Variants in SPPL3 observed in about 807,000 individuals in gnomAD.
SPPL3 encodes the protein signal peptide peptidase-like 3.
A neutral mutation model predicts 42.4 loss-of-function variants in SPPL3; 5 were observed. The ratio of observed to expected loss-of-function variants is 0.12; its 90% CI spans 0.06 to 0.25. The LOEUF (loss-of-function observed/expected upper bound fraction) is 0.25, where lower values mean the gene tolerates loss of function less well. SPPL3 is among the 10% of genes least tolerant of loss of function. The pLI is 1.00. For missense variants in SPPL3, 235 were observed against 489.0 expected, an observed-to-expected ratio of 0.48 and a Z score of 4.90; for synonymous variants, 195 against 181.8, an observed-to-expected ratio of 1.07 and a Z score of -0.58.
intron 3 of SPPL3, among the ~76,000 whole-genome samples, chr12:120,787,336 G>C (rs1386271812): frequency 2.0e-5 from 3 of 152,158 alleles, no homozygotes; most frequent in Non-Finnish European, 4.4e-5. Context: ...TAAGATGTCA[G>C]ATAATTGGGC....
intron 1 of SPPL3, among the ~76,000 whole-genome samples, chr12:120,882,297 TAC>T (rs1336226805): frequency 6.6e-6 from 1 of 152,136 alleles, no homozygotes; most frequent in African/African-American, 2.4e-5. Context: ...GACTACTGTA[TAC>T]AGTGTCAATC....
chr12:120,803,636 C>G (rs1383067390), intron 2 of SPPL3, among the ~76,000 whole-genome samples: 2 of 152,052 alleles, frequency 1.3e-5, no homozygotes, highest in Non-Finnish European at 2.9e-5. Flanking sequence ...CGGGGACTCA[C>G]TGGTTCAAGG....
At chr12:120,888,087 G>T (rs7316417) in intron 1 of SPPL3, among the ~76,000 whole-genome samples, 13,459 of 152,066 alleles carry the variant, frequency 0.089, 1,743 homozygotes, top group African/African-American at 0.29. Flanking sequence ...ACTATTTTTG[G>T]TTTTTTTAGA....
At position 120,904,188 on chromosome 12, in the gene SPPL3, G is replaced by A. The variant is rs1029487193; in HGVS notation, c.-321C>T. Reference sequence around the variant, plus strand: ...GCGGAGAACAAGGGGGCCCTGGGGCGGGCGAACGGCAAGACGGGCCCGCGC... The same window carrying A: ...GCGGAGAACAAGGGGGCCCTGGGGCAGGCGAACGGCAAGACGGGCCCGCGC... On this transcript the variant is annotated 5_prime_UTR_variant, in exon 1 of 11. Coordinates refer to ENST00000353487, the MANE Select transcript of SPPL3 (RefSeq NM_139015.5). 2 of 258,870 alleles carry A rather than the reference G, an allele frequency of 7.7e-6. No homozygotes were observed. Among genetic ancestry groups the A allele is most frequent in the African/African-American group, 2.3e-5 (1 of 43,406 alleles). 16.0% of individuals were successfully genotyped at this position (258,870 alleles called of 1,614,324 possible).
intron 1 of SPPL3, among the ~76,000 whole-genome samples, chr12:120,819,984 T>C (rs1232335300): frequency 1.3e-5 from 2 of 152,138 alleles, no homozygotes; most frequent in Non-Finnish European, 2.9e-5. Flanking sequence ...CAAGTAATGT[T>C]AGTAGTACTA....
intron 1 of SPPL3, among the ~76,000 whole-genome samples, chr12:120,848,413 A>G (rs1872115310): frequency 6.6e-6 from 1 of 152,196 alleles, no homozygotes; most frequent in African/African-American, 2.4e-5. Context: ...AAAGTGCTTG[A>G]ACATGGCAGG....
chr12:120,769,067 G>A lies in SPPL3; in HGVS notation c.503-8C>T. On this transcript the variant is annotated splice_polypyrimidine_tract_variant and splice_region_variant and intron_variant, in intron 6 of 10. Transcript: ENST00000353487. Reference sequence around the variant, plus strand: ...AGAGGCCCATGGCCAGTGCTGGGGAGGAGACAGGGTACAGCAGACAGCAGT... The same window carrying A: ...AGAGGCCCATGGCCAGTGCTGGGGAAGAGACAGGGTACAGCAGACAGCAGT... 2 of 1,598,536 alleles carry A rather than the reference G, an allele frequency of 1.3e-6. No homozygotes were observed. The highest frequency in any genetic ancestry group is 1.7e-6 in the Non-Finnish European group (2 of 1,172,486).
chr12:120,786,100 A>G (rs1458568272), intron 3 of SPPL3, among the ~76,000 whole-genome samples: 1 of 152,200 alleles, frequency 6.6e-6, no homozygotes, highest in Non-Finnish European at 1.5e-5. Flanking sequence ...TCTATAAAAC[A>G]AAATGCTTCT....
At chr12:120,840,782 A>C (rs1871797140) in intron 1 of SPPL3, among the ~76,000 whole-genome samples, 1 of 151,844 alleles carries the variant, frequency 6.6e-6, no homozygotes, top group Non-Finnish European at 1.5e-5. Context: ...CAGTGAGACA[A>C]GATTGTGCCA....
chr12:120,783,732 C>G lies in SPPL3; in HGVS notation c.331G>C (p.Ala111Pro). The G allele has an allele frequency of 6.2e-7, 1 of 1,613,500 alleles. No individual in the cohort carries two copies. Residue 111 changes from alanine (A) to proline (P), a missense_variant, in exon 5 of 11, where the codon GCT (alanine) becomes CCT (proline). This residue lies in a region of SPPL3 where 110 missense variants were observed against 186.2 expected (regional missense o/e 0.59). Transcript: ENST00000353487. ...CTAVLATIAF[A>P]FLLLPMCQYL... is the part of the protein sequence containing the mutation. ...TGGCACATCGGGAGGAGAAGAAAAGCAAAAGCTATCGTTGCAAGAACTAGA... is the reference window on the plus strand; with the variant it reads ...TGGCACATCGGGAGGAGAAGAAAAGGAAAAGCTATCGTTGCAAGAACTAGA...
At chr12:120,822,628 G>A (rs1339976289) in intron 1 of SPPL3, among the ~76,000 whole-genome samples, 3 of 152,044 alleles carry the variant, frequency 2.0e-5, no homozygotes, top group Non-Finnish European at 4.4e-5. Context: ...GACAAACTAG[G>A]GTTTCTGTCT....
chr12:120,807,111 A>T lies in SPPL3; in HGVS notation c.101+3698T>A, dbSNP rs369614308. Among the ~76,000 whole-genome samples the T allele has an allele frequency of 8.5e-5, 13 of 152,302 alleles. No homozygotes were observed. In the East Asian group the frequency reaches 2.3e-3, roughly 27 times the overall value. ...TGACTGAGAGAGAATTTTTGACTAGACATTTCACCAAAGAAGATAAACGGA... is the reference window on the plus strand; with the variant it reads ...TGACTGAGAGAGAATTTTTGACTAGTCATTTCACCAAAGAAGATAAACGGA... On this transcript the variant is annotated intron_variant, in intron 2 of 10. Coordinates refer to ENST00000353487, the MANE Select transcript of SPPL3 (RefSeq NM_139015.5).
chr12:120,901,871 A>C, intron 1 of SPPL3: 1 of 985,216 alleles, frequency 1.0e-6, no homozygotes, highest in Non-Finnish European at 1.2e-6. Context: ...GTGTGTGTCC[A>C]ACCTACCTAG....
intron 1 of SPPL3, among the ~76,000 whole-genome samples, chr12:120,897,231 T>C (rs554786771): frequency 2.6e-5 from 4 of 152,332 alleles, no homozygotes; most frequent in African/African-American, 9.6e-5. Flanking sequence ...TTTAAATTGA[T>C]AGTACTACCT....
intron 1 of SPPL3, among the ~76,000 whole-genome samples, chr12:120,894,541 A>C (rs1873742049): frequency 6.6e-6 from 1 of 152,182 alleles, no homozygotes; most frequent in African/African-American, 2.4e-5. Context: ...AAATGAACAA[A>C]ACTTTCTTTG....
At chr12:120,774,588 CAGAAGGCATCCTTTTGACTGTCTCAG>C (rs1373056902) in intron 6 of SPPL3, among the ~76,000 whole-genome samples, 1 of 152,110 alleles carries the variant, frequency 6.6e-6, no homozygotes, top group Non-Finnish European at 1.5e-5. Context: ...TATGAAGAGG[CAGAAGGCATCCTTTTGACTGTCTCAG>C]AGAAGGCTCT....
chr12:120,852,720 T>G (rs61946364), intron 1 of SPPL3, among the ~76,000 whole-genome samples: 1 of 36,910 alleles, frequency 2.7e-5, no homozygotes, highest in Non-Finnish European at 4.5e-5. Flanking sequence ...GAAATATATT[T>G]TATATATAAT....
chr12:120,852,733 A>ATTT (rs1347531804), intron 1 of SPPL3, among the ~76,000 whole-genome samples: 4 of 33,208 alleles, frequency 1.2e-4, no homozygotes, highest in Admixed American at 5.8e-4. Context: ...TATATAATAT[A>ATTT]CATATAATAT....
Position 120,806,050 on chromosome 12 carries a change from T to C in SPPL3, c.101+4759A>G, listed in dbSNP as rs534535543. ...ACTGACCAGCTGAACCTAAAATTTA[T>C]ATGGAAATGCAAAGGATCCAGAGTA... is the stretch of plus-strand genomic sequence containing the variant. On this transcript the variant is annotated intron_variant, in intron 2 of 10. Coordinates refer to ENST00000353487, the MANE Select transcript of SPPL3 (RefSeq NM_139015.5). Among the ~76,000 whole-genome samples, 450 of 151,336 alleles carry C rather than the reference T, an allele frequency of 3.0e-3. 2 individuals carry two copies. The highest frequency in any genetic ancestry group is 0.011 in the South Asian group (53 of 4,768).
Sources: gnomAD v4.1 joint callset for allele counts (sites outside exome capture counted in the v4.1 genomes callset) on GRCh38, gnomAD v4.1.1 for gene constraint, gnomAD v4.1.1 regional missense constraint, MANE v1.5 for transcripts, NCBI Gene and HGNC (gene_info 2026-07-23, HGNC 2026-07-21) for gene names.